DNAJB6: variants seen among roughly 807,000 people sequenced by gnomAD.
DNAJB6 encodes dnaJ homolog subfamily B member 6.
In DNAJB6, 16 loss-of-function variants were observed where a neutral mutation model predicts 42.7. The observed-to-expected ratio is 0.37, with a 90% CI of 0.25 to 0.57. The LOEUF (loss-of-function observed/expected upper bound fraction) is 0.57, where lower values mean the gene tolerates loss of function less well. Ranked by LOEUF, DNAJB6 falls within the 20% of genes least tolerant of loss-of-function variation. DNAJB6 has a pLI of 0.74. For missense variants in DNAJB6, 347 were observed against 416.8 expected (o/e 0.83, Z 1.46); for synonymous variants, 170 against 163.5 (o/e 1.04, Z -0.30).
At chr7:157,351,966 G>C (rs1278954486) in intron 1 of DNAJB6, among the ~76,000 whole-genome samples, 1 of 152,126 alleles carries the variant, frequency 6.6e-6, no homozygotes, top group Admixed American at 6.6e-5. Flanking sequence ...CTGCATTCCA[G>C]CCTGGGCGTC....
rs760327435 is a variant in DNAJB6, at chr7:157,385,526, A to T, written c.621-15A>T. ...CTTTACCAGAAAGGTTTTTAAATGA[A>T]TTTTTTTCCTACAGAATTGTCGAGA... is the stretch of plus-strand genomic sequence containing the variant. On this transcript the variant is annotated splice_polypyrimidine_tract_variant and intron_variant, in intron 7 of 9. Coordinates refer to ENST00000262177, the MANE Select transcript of DNAJB6 (RefSeq NM_058246.4). The T allele has an allele frequency of 3.7e-6, 6 of 1,609,338 alleles. No individual in the cohort carries two copies. Among genetic ancestry groups the T allele is most frequent in the African/African-American group, 1.3e-5 (1 of 74,772 alleles).
At chr7:157,373,685 G>A (rs1006093913) in intron 5 of DNAJB6, among the ~76,000 whole-genome samples, 1 of 152,134 alleles carries the variant, frequency 6.6e-6, no homozygotes, top group African/African-American at 2.4e-5. Context: ...TAGAAGTTAG[G>A]GGTCAAGTAC....
At chr7:157,383,036 C>T (rs983573087) in intron 6 of DNAJB6, among the ~76,000 whole-genome samples, 1 of 151,984 alleles carries the variant, frequency 6.6e-6, no homozygotes, top group African/African-American at 2.4e-5. Context: ...AAGAGTCTCA[C>T]TTTAGTGAGT....
At chr7:157,342,657 A>G (rs1288163020) in intron 1 of DNAJB6, among the ~76,000 whole-genome samples, 1 of 152,066 alleles carries the variant, frequency 6.6e-6, no homozygotes, top group East Asian at 1.9e-4. Flanking sequence ...GGGTTTCACC[A>G]TGTTGGCCAG....
At chr7:157,408,662 C>G (rs995249615) in intron 8 of DNAJB6, among the ~76,000 whole-genome samples, 2 of 152,254 alleles carry the variant, frequency 1.3e-5, no homozygotes, top group African/African-American at 4.8e-5. Context: ...CACATTTGAG[C>G]TCCTGGGGGC....
At chr7:157,383,687 T>C (rs923077383) in intron 6 of DNAJB6, among the ~76,000 whole-genome samples, 1 of 151,860 alleles carries the variant, frequency 6.6e-6, no homozygotes, top group African/African-American at 2.4e-5. Flanking sequence ...CCTTACAAAG[T>C]ATCACAAGAA....
chr7:157,373,201 C>G (rs1223667963), intron 5 of DNAJB6, among the ~76,000 whole-genome samples: 18 of 152,210 alleles, frequency 1.2e-4, no homozygotes. Context: ...GGGATTAGGA[C>G]TCTAATTTAA....
intron 8 of DNAJB6, among the ~76,000 whole-genome samples, chr7:157,407,062 C>T (rs1032115942): frequency 8.5e-5 from 13 of 152,256 alleles, no homozygotes; most frequent in African/African-American, 2.9e-4. Flanking sequence ...GGCGCGTTTT[C>T]ACCTGCGGAG....
chr7:157,343,901 T>A (rs1157061073), intron 1 of DNAJB6, among the ~76,000 whole-genome samples: 1 of 152,244 alleles, frequency 6.6e-6, no homozygotes, highest in African/African-American at 2.4e-5. Context: ...GATGTATTGC[T>A]TTTGGAAATT....
At chr7:157,388,236 A>C (rs1049079364) in intron 8 of DNAJB6, among the ~76,000 whole-genome samples, 1 of 152,238 alleles carries the variant, frequency 6.6e-6, no homozygotes, top group South Asian at 2.1e-4. Flanking sequence ...GTTGCTGTCA[A>C]ATCTTACACC....
At chr7:157,388,850 G>A (rs1801208038) in intron 8 of DNAJB6, among the ~76,000 whole-genome samples, 2 of 152,112 alleles carry the variant, frequency 1.3e-5, no homozygotes, top group African/African-American at 4.8e-5. Flanking sequence ...CCGTTGGTTT[G>A]ATTTGAGTGA....
chr7:157,386,839 G>T (rs1019447562), intron 8 of DNAJB6, among the ~76,000 whole-genome samples: 3 of 151,348 alleles, frequency 2.0e-5, no homozygotes, highest in African/African-American at 7.3e-5. Flanking sequence ...AGCTGAGATC[G>T]TGCCATTGCA....
intron 8 of DNAJB6, among the ~76,000 whole-genome samples, chr7:157,396,139 G>C (rs1416970846): frequency 6.6e-6 from 1 of 152,070 alleles, no homozygotes; most frequent in Admixed American, 6.5e-5. Flanking sequence ...AGGAGAGACA[G>C]AGTTTCACTA....
chr7:157,367,476 C>T lies in DNAJB6; in HGVS notation c.339C>T (p.Asp113=). The T allele has an allele frequency of 4.4e-6, 7 of 1,597,102 alleles. No homozygotes were observed. Among genetic ancestry groups the T allele is most frequent in the Non-Finnish European group, 6.0e-6 (7 of 1,164,454 alleles). ...FFGGRDPFSF[D]FFEDPFEDFF... ...GTGGAAGGGACCCATTTTCATTTGA[C>T]TTCTTTGGTAAGTTAATCACGTGGG... The change falls in exon 5 of 10, where the codon GAC becomes GAT. Residue 113 remains aspartate, a synonymous_variant. Transcript: ENST00000262177.
At chr7:157,359,149 C>T (rs572028435) in intron 2 of DNAJB6, among the ~76,000 whole-genome samples, 1 of 152,236 alleles carries the variant, frequency 6.6e-6, no homozygotes, top group African/African-American at 2.4e-5. Flanking sequence ...CTCACGGTAA[C>T]CTTAGTCTGT....
At chr7:157,351,984 G>A (rs1255768907) in intron 1 of DNAJB6, among the ~76,000 whole-genome samples, 2 of 151,916 alleles carry the variant, frequency 1.3e-5, no homozygotes, top group Non-Finnish European at 2.9e-5. Flanking sequence ...GTCAGAGAGC[G>A]AGACACTATC....
At chr7:157,398,131 G>T (rs936502652) in intron 8 of DNAJB6, among the ~76,000 whole-genome samples, 1 of 152,182 alleles carries the variant, frequency 6.6e-6, no homozygotes, top group African/African-American at 2.4e-5. Flanking sequence ...ATGTGCCTTT[G>T]TATCTGCAGA....
intron 9 of DNAJB6, 26 bp from the exon 10 acceptor site, chr7:157,415,990 G>C: frequency 6.2e-7 from 1 of 1,614,140 alleles, no homozygotes; most frequent in Non-Finnish European, 8.5e-7. Context: ...GTTCCGTACA[G>C]TGTTTTACAA....
intron 5 of DNAJB6, among the ~76,000 whole-genome samples, chr7:157,377,667 A>C (rs1800540614): frequency 6.6e-6 from 1 of 152,148 alleles, no homozygotes; most frequent in South Asian, 2.1e-4. Context: ...CATCCACATT[A>C]GGGAGGCAAG....
Sources: gnomAD v4.1 joint callset for allele counts (sites outside exome capture counted in the v4.1 genomes callset) on GRCh38, gnomAD v4.1.1 for gene constraint, MANE v1.5 for transcripts, NCBI Gene and HGNC (gene_info 2026-07-23, HGNC 2026-07-21) for gene names.